The following POLR1B variants were observed in gnomAD, a reference collection of about 807,000 sequenced individuals.
POLR1B encodes the protein RNA polymerase I subunit B.
POLR1B carries 30 observed loss-of-function variants against 105.8 expected under a neutral mutation model. The observed-to-expected ratio is 0.28, with a 90% CI of 0.21 to 0.38. The LOEUF (loss-of-function observed/expected upper bound fraction) is 0.38. Ranked by LOEUF, POLR1B falls within the 10% of genes least tolerant of loss-of-function variation. The pLI, the probability that POLR1B is intolerant of heterozygous loss-of-function variation, is 1.00. For missense variants in POLR1B, 976 were observed against 1,435.8 expected (o/e 0.68, Z 5.17); for synonymous variants, 485 against 505.1 (o/e 0.96, Z 0.53).
intron 9 of POLR1B, among the ~76,000 whole-genome samples, chr2:112,561,782 C>G (rs1020474416): frequency 6.6e-6 from 1 of 152,158 alleles, no homozygotes; most frequent in African/African-American, 2.4e-5. Context: ...TTTATGAACA[C>G]TAGGCAGCAC....
At chr2:112,564,993 T>G (rs1180140311) in intron 10 of POLR1B, among the ~76,000 whole-genome samples, 2 of 152,252 alleles carry the variant, frequency 1.3e-5, no homozygotes, top group African/African-American at 4.8e-5. Context: ...AGAATTATCC[T>G]TTGGCAACAG....
Position 112,551,966 on chromosome 2 carries a change from C to T in POLR1B, c.954C>T (p.Tyr318=), listed in dbSNP as rs756606036. ...TAAAACTCAATGTTCCTGACTGGTACCCAAATGAGCAAGCTGCGGAGTTCC... is the reference window on the plus strand; with the variant it reads ...TAAAACTCAATGTTCCTGACTGGTATCCAAATGAGCAAGCTGCGGAGTTCC... The part of the protein sequence containing the change: ...FRVKLNVPDW[Y]PNEQAAEFLF... The change falls in exon 6 of 15, where the codon TAC becomes TAT. Residue 318 remains tyrosine (Y), a synonymous_variant. Coordinates refer to ENST00000263331, the MANE Select transcript of POLR1B (RefSeq NM_019014.6). 12 of 1,614,012 alleles carry T rather than the reference C, an allele frequency of 7.4e-6. No homozygotes were observed. In the South Asian group the frequency reaches 9.9e-5, roughly 13 times the overall value.
At chr2:112,546,536 G>T (rs1683050738) in intron 1 of POLR1B, among the ~76,000 whole-genome samples, 2 of 136,076 alleles carry the variant, frequency 1.5e-5, no homozygotes, top group Non-Finnish European at 3.1e-5. Flanking sequence ...TGAGTAGACT[G>T]GAGGTAGCTT....
At position 112,561,464 on chromosome 2, in the gene POLR1B, C is replaced by CT. The variant is rs11362371; in HGVS notation, c.1612+1902dup. ...TATTTATGGTTCATGGAAGAGTGTT[C>CT]TTTTTTTTTTTTACTTAATTTCAGT... On this transcript the variant is annotated intron_variant, in intron 9 of 14. Transcript: ENST00000263331. Among the ~76,000 whole-genome samples, 42 of 149,888 alleles carry CT rather than the reference C, an allele frequency of 2.8e-4. 1 individual carries two copies. The highest frequency in any genetic ancestry group is 5.3e-4 in the Admixed American group (8 of 15,044).
rs56190123 is a variant in POLR1B at position 112,579,208 on chromosome 2, CAAAAAAAAAAAAAAAAA to C, written c.*3495_*3511del. Among the ~76,000 whole-genome samples the C allele has an allele frequency of 1.7e-5, 1 of 58,664 alleles. No homozygotes were observed. The highest frequency in any genetic ancestry group is 2.8e-5 in the Non-Finnish European group (1 of 35,214). The allele number at this position is 58,664 out of a possible 152,430, so 38.5% of individuals were successfully genotyped here. On this transcript the variant is annotated 3_prime_UTR_variant, in exon 15 of 15. Transcript: ENST00000263331. ...GGGCAACAGAGCAAGACTAGAGTCT[CAAAAAAAAAAAAAAAAA>C]AAAAAAAAAAAAAAAGGAAAGCAAA...
intron 12 of POLR1B, among the ~76,000 whole-genome samples, chr2:112,570,238 C>A (rs544477833): frequency 9.3e-5 from 14 of 151,274 alleles, no homozygotes; most frequent in Admixed American, 2.0e-4. Context: ...AGTAGAGATA[C>A]GGTTTCACCA....
At chr2:112,556,889 T>C (rs1683690136) in intron 7 of POLR1B, among the ~76,000 whole-genome samples, 2 of 152,364 alleles carry the variant, frequency 1.3e-5, no homozygotes, top group South Asian at 4.1e-4. Context: ...GTCAATAATG[T>C]ATAATGATCA....
Position 112,564,358 on chromosome 2 carries a change from T to A in POLR1B, c.1613-8T>A. On this transcript the variant is annotated splice_region_variant and splice_polypyrimidine_tract_variant and intron_variant, in intron 9 of 14. Transcript: ENST00000263331. ...TGATGTGATTGTGCTGTTTGTTTCC[T>A]TTACCAGGGGTCACTCCCATTGATG... is the stretch of plus-strand genomic sequence containing the variant. 1 of 1,613,748 alleles carries A rather than the reference T, an allele frequency of 6.2e-7. No individual in the cohort carries two copies. The highest frequency in any genetic ancestry group is 8.5e-7 in the Non-Finnish European group (1 of 1,179,718).
chr2:112,542,075 G>A (rs1682773922), upstream of POLR1B: 7 of 1,530,276 alleles, frequency 4.6e-6, no homozygotes, highest in African/African-American at 1.4e-5. Context: ...GCATCAGCGT[G>A]GGACTGGGAA....
At position 112,575,648 on chromosome 2, in the gene POLR1B, T is replaced by C. The variant is rs149894561; in HGVS notation, c.3327T>C (p.Thr1109=). 1.4e-5 allele frequency: 22 copies of C among 1,614,074 alleles called. No homozygotes were observed. The highest frequency in any genetic ancestry group is 1.9e-5 in the Non-Finnish European group (22 of 1,180,038). Reference sequence around the variant, plus strand: ...GTAGTCGCAGTGACACTATCGATACTGTTTCTGTGCCTTATGTTTTTCGGT... The same window carrying C: ...GTAGTCGCAGTGACACTATCGATACCGTTTCTGTGCCTTATGTTTTTCGGT... ...TLCSRSDTID[T]VSVPYVFRYF... Residue 1109 remains threonine, a synonymous_variant, in exon 15 of 15, where the codon ACT becomes ACC. Coordinates refer to ENST00000263331, the MANE Select transcript of POLR1B (RefSeq NM_019014.6). The surrounding 1 kb of genome is among the most constrained non-coding windows in gnomAD (Gnocchi z 5.3).
chr2:112,557,938 T>C lies in POLR1B; in HGVS notation c.1187T>C (p.Ile396Thr). 1 of 1,383,958 alleles carries C rather than the reference T, an allele frequency of 7.2e-7. No homozygotes were observed. The highest frequency in any genetic ancestry group is 1.5e-5 in the African/African-American group (1 of 67,586). 85.7% of individuals were successfully genotyped at this position (1,383,958 alleles called of 1,614,324 possible). Residue 396 changes from isoleucine (I) to threonine (T), a missense_variant, in exon 8 of 15, where the codon ATT becomes ACT. Transcript: ENST00000263331. ...AAACTGGAAGGTTGGTTAGTGTCTATTAAAATAGCTTTTGATAAGAAGGCT... is the reference window on the plus strand; with the variant it reads ...AAACTGGAAGGTTGGTTAGTGTCTACTAAAATAGCTTTTGATAAGAAGGCT... ...KEKLEGWLVS[I>T]KIAFDKKAQK... is the part of the protein sequence containing the mutation.
Position 112,578,756 on chromosome 2 carries a change from C to G in POLR1B, c.*3027C>G, listed in dbSNP as rs1684972936. On this transcript the variant is annotated 3_prime_UTR_variant, in exon 15 of 15. Coordinates refer to ENST00000263331, the MANE Select transcript of POLR1B (RefSeq NM_019014.6). Reference sequence around the variant, plus strand: ...ATGTGCTATATGTACTATATGTCCTCTATATATTTTTTCTATACATACATA... The same window carrying G: ...ATGTGCTATATGTACTATATGTCCTGTATATATTTTTTCTATACATACATA... Among the ~76,000 whole-genome samples, 1 of 152,080 alleles carries G rather than the reference C, an allele frequency of 6.6e-6. No homozygotes were observed. The highest frequency in any genetic ancestry group is 2.4e-5 in the African/African-American group (1 of 41,384).
intron 3 of POLR1B, among the ~76,000 whole-genome samples, chr2:112,548,651 C>T (rs983880637): frequency 6.6e-6 from 1 of 150,922 alleles, no homozygotes; most frequent in African/African-American, 2.4e-5. Flanking sequence ...CTCCCTCTCT[C>T]ACCCAGGTTG....
intron 14 of POLR1B, among the ~76,000 whole-genome samples, 169 bp from the exon 15 acceptor site, chr2:112,574,678 C>T (rs181145032): frequency 2.3e-3 from 342 of 145,742 alleles, no homozygotes; most frequent in Non-Finnish European, 4.1e-3. Context: ...GCTGTAATTG[C>T]ACCACCGCAC....
intron 5 of POLR1B, among the ~76,000 whole-genome samples, chr2:112,551,538 C>T (rs1429930809): frequency 1.3e-5 from 2 of 152,100 alleles, no homozygotes; most frequent in African/African-American, 4.8e-5. Context: ...AGCCTTGATT[C>T]GGCATGGGAG....
In POLR1B at chr2:112,551,778, C is replaced by T. The variant is rs773943904; in HGVS notation, c.766C>T (p.Leu256Phe). The part of the protein sequence containing the change: ...FLPLGFALKA[L>F]VSFSDYQIFQ... The stretch of plus-strand genomic sequence containing the variant: ...AACCTTTTATTTTCTATTCTAGGCA[C>T]TTGTCAGCTTTTCTGATTATCAGAT... The change falls in exon 6 of 15, where the codon CTT (leucine) becomes TTT (phenylalanine). Residue 256 changes from leucine to phenylalanine, a missense_variant. Physicochemically the swap from Leu to Phe is conservative, Grantham distance 22 (BLOSUM62 0). Around this residue, in one of 12 missense-constraint regions of POLR1B, gnomAD observed 452 missense variants for 616.5 expected, o/e 0.73. Transcript: ENST00000263331. 7 of 1,612,242 alleles carry T rather than the reference C, an allele frequency of 4.3e-6. No individual in the cohort carries two copies. The South Asian group carries it at 6.6e-5, about 15-fold the overall frequency.
intron 8 of POLR1B, among the ~76,000 whole-genome samples, chr2:112,558,523 C>T (rs1035414875): frequency 6.6e-6 from 1 of 152,180 alleles, no homozygotes; most frequent in Non-Finnish European, 1.5e-5. Flanking sequence ...GTGATTGCAC[C>T]ACTGTACTCC....
chr2:112,550,555 T>C (rs1001253886), intron 4 of POLR1B, among the ~76,000 whole-genome samples: 7 of 152,250 alleles, frequency 4.6e-5, no homozygotes, highest in Non-Finnish European at 1.0e-4. Context: ...CACCATGTCT[T>C]GACCAGACTC....
At chr2:112,554,279 C>T (rs907774178) in intron 7 of POLR1B, among the ~76,000 whole-genome samples, 4 of 151,770 alleles carry the variant, frequency 2.6e-5, no homozygotes, top group Non-Finnish European at 5.9e-5. Flanking sequence ...ATTACAGGCG[C>T]GTGCCACCAT....
Sources: allele counts gnomAD v4.1 joint callset (sites outside exome capture counted in the v4.1 genomes callset), GRCh38; gene constraint gnomAD v4.1.1; regional missense constraint gnomAD v4.1.1; non-coding constraint Gnocchi (gnomAD v3.1); transcripts MANE v1.5; gene names NCBI Gene and HGNC (gene_info 2026-07-23, HGNC 2026-07-21).